The following TCF12 variants were observed in gnomAD, a reference collection of about 807,000 sequenced individuals.
TCF12 encodes transcription factor 12.
A neutral mutation model predicts 86.0 loss-of-function variants in TCF12; 45 were observed. The observed-to-expected ratio is 0.52, with a 90% CI of 0.41 to 0.67. The LOEUF (loss-of-function observed/expected upper bound fraction) is 0.67, where lower values mean the gene tolerates loss of function less well. TCF12 is among the 30% of genes least tolerant of loss of function. The pLI, the probability that TCF12 is intolerant of heterozygous loss-of-function variation, is 0.00. For synonymous variants in TCF12, 330 were observed against 299.6 expected, an observed-to-expected ratio of 1.10 and a Z score of -1.05; for missense variants, 881 against 859.9, an observed-to-expected ratio of 1.02 and a Z score of -0.31.
At chr15:57,089,039 A>AC (rs1245124294) in intron 4 of TCF12, among the ~76,000 whole-genome samples, 5 of 152,156 alleles carry the variant, frequency 3.3e-5, no homozygotes, top group Non-Finnish European at 7.4e-5. Context: ...AACAGTAGCT[A>AC]CCCCCAGTCC....
rs2057009425 is a variant in TCF12, at chr15:57,192,064, G to C, written c.391-94G>C. 7.7e-6 allele frequency: 11 copies of C among 1,433,206 alleles called. No individual in the cohort carries two copies. The South Asian group carries it at 1.3e-4, about 17-fold the overall frequency. 88.8% of individuals were successfully genotyped at this position (1,433,206 alleles called of 1,614,324 possible). ...TGGGTGCGTTCTAAGTTAAGACATT[G>C]CTGAAGTTGTAAATAATTCAGAAGT... On this transcript the variant is annotated intron_variant, in intron 6 of 20. Coordinates refer to ENST00000333725, the MANE Select transcript of TCF12 (RefSeq NM_207037.2).
chr15:56,929,926 C>T (rs1357344276), intron 3 of TCF12, among the ~76,000 whole-genome samples: 2 of 152,106 alleles, frequency 1.3e-5, no homozygotes, highest in Non-Finnish European at 2.9e-5. Flanking sequence ...TTCTAGTTGC[C>T]AAATGGAAGT....
At position 56,990,799 on chromosome 15, in the gene TCF12, C is replaced by CTT. The variant is rs59425097; in HGVS notation, c.148+69711_148+69712dup. Among the ~76,000 whole-genome samples, 1,423 of 148,354 alleles carry CTT rather than the reference C, an allele frequency of 9.6e-3. 23 individuals are homozygous for CTT. In the East Asian group the frequency reaches 0.097, roughly 10 times the overall value. On this transcript the variant is annotated intron_variant, in intron 3 of 20. Coordinates refer to ENST00000333725, the MANE Select transcript of TCF12 (RefSeq NM_207037.2). ...AACTCTTCAGAATTTTTTTCTTTTT[C>CTT]TTTTTTTTTTTGAGACAGGGTTTTG... is the stretch of plus-strand genomic sequence containing the variant.
At chr15:57,028,020 G>T (rs2065923185) in intron 3 of TCF12, among the ~76,000 whole-genome samples, 1 of 151,946 alleles carries the variant, frequency 6.6e-6, no homozygotes, top group Non-Finnish European at 1.5e-5. Context: ...CTGGAGTGTG[G>T]TGGTGTGGTC....
chr15:57,123,991 T>G (rs1465439728), intron 5 of TCF12, among the ~76,000 whole-genome samples: 1 of 83,232 alleles, frequency 1.2e-5, no homozygotes, highest in Non-Finnish European at 3.0e-5. Context: ...AATTTTTTTT[T>G]TTTTTCCATA....
intron 5 of TCF12, among the ~76,000 whole-genome samples, chr15:57,130,926 G>A (rs2052065135): frequency 1.3e-5 from 2 of 152,132 alleles, no homozygotes; most frequent in Admixed American, 1.3e-4. Flanking sequence ...GTAAGTCATG[G>A]AATTGGGATT....
At chr15:57,251,523 A>G (rs554376143) in intron 14 of TCF12, 100 bp downstream of exon 14, 2 of 1,131,080 alleles carry the variant, frequency 1.8e-6, no homozygotes, top group East Asian at 2.5e-5. Flanking sequence ...CTAGCATTGC[A>G]CATGAATTCT....
chr15:57,180,942 G>C (rs554342120), intron 6 of TCF12, among the ~76,000 whole-genome samples: 1 of 149,844 alleles, frequency 6.7e-6, no homozygotes, highest in Non-Finnish European at 1.5e-5. Flanking sequence ...AGCCTCCTGA[G>C]TGGCTGGGAC....
chr15:57,048,144 A>G (rs1490228330), intron 3 of TCF12, among the ~76,000 whole-genome samples: 1 of 152,220 alleles, frequency 6.6e-6, no homozygotes, highest in Non-Finnish European at 1.5e-5. Context: ...CATTGCATTT[A>G]CCTTCTCAAT....
chr15:57,282,969 G>A (rs1474358789), intron 20 of TCF12, among the ~76,000 whole-genome samples: 1 of 152,158 alleles, frequency 6.6e-6, no homozygotes, highest in Non-Finnish European at 1.5e-5. Context: ...CAGAAATGCT[G>A]ACTATATCAT....
intron 18 of TCF12, among the ~76,000 whole-genome samples, chr15:57,271,306 T>A (rs374916425): frequency 6.6e-6 from 1 of 152,132 alleles, no homozygotes; most frequent in South Asian, 2.1e-4. Context: ...TGGATGCCCC[T>A]CCCCCTGCCA....
chr15:57,148,773 A>G (rs1279703964), intron 5 of TCF12, among the ~76,000 whole-genome samples: 1 of 151,188 alleles, frequency 6.6e-6, no homozygotes, highest in African/African-American at 2.4e-5. Context: ...GCTACTCAGG[A>G]GGTTGAGGTG....
At chr15:57,193,316 A>G (rs1264315381) in intron 7 of TCF12, among the ~76,000 whole-genome samples, 1 of 152,234 alleles carries the variant, frequency 6.6e-6, no homozygotes, top group East Asian at 1.9e-4. Flanking sequence ...AGCATATACT[A>G]CATTCACTAC....
intron 20 of TCF12, among the ~76,000 whole-genome samples, chr15:57,284,371 C>T (rs751371251): frequency 2.0e-5 from 3 of 152,062 alleles, no homozygotes; most frequent in Non-Finnish European, 4.4e-5. Context: ...CCACGCCCAG[C>T]TAATTTTTTT....
chr15:57,072,649 T>C (rs749138232), intron 4 of TCF12: 1 of 1,299,752 alleles, frequency 7.7e-7, no homozygotes, highest in South Asian at 1.3e-5. Context: ...CCTCTTGATC[T>C]CAGGTACAAT....
chr15:57,184,854 T>C (rs2056573970), intron 6 of TCF12, among the ~76,000 whole-genome samples: 1 of 152,158 alleles, frequency 6.6e-6, no homozygotes, highest in Non-Finnish European at 1.5e-5. Context: ...CATAACACCA[T>C]CAGAAAATTC....
At chr15:57,284,584 T>TAGATTATTTCAA (rs1157950340) in intron 20 of TCF12, among the ~76,000 whole-genome samples, 1 of 152,240 alleles carries the variant, frequency 6.6e-6, no homozygotes, top group Non-Finnish European at 1.5e-5. Context: ...TCTAAACTGA[T>TAGATTATTTCAA]AGATTATTTC....
chr15:57,191,471 AAAAGG>A (rs1267326834), intron 6 of TCF12, among the ~76,000 whole-genome samples: 35 of 152,334 alleles, frequency 2.3e-4, no homozygotes, highest in Non-Finnish European at 4.1e-4. Context: ...CTAAAAAGAA[AAAAGG>A]AAAGGAAGAA....
At chr15:56,951,429 A>G (rs2061270880) in intron 3 of TCF12, among the ~76,000 whole-genome samples, 1 of 151,964 alleles carries the variant, frequency 6.6e-6, no homozygotes, top group African/African-American at 2.4e-5. Context: ...AGATTTCTTT[A>G]TGTATTCTGG....
Sources: allele counts gnomAD v4.1 joint callset (sites outside exome capture counted in the v4.1 genomes callset), GRCh38; gene constraint gnomAD v4.1.1; transcripts MANE v1.5; gene names NCBI Gene and HGNC (gene_info 2026-07-23, HGNC 2026-07-21).